The following REPS1 variants were observed in gnomAD, a reference collection of about 807,000 sequenced individuals.
The protein encoded by REPS1 is ralBP1-associated Eps domain-containing protein 1.
Under a neutral mutation model 100.9 loss-of-function variants are expected in REPS1, and 39 were observed. The observed-to-expected ratio is 0.39, with a 90% CI of 0.30 to 0.50. The LOEUF (loss-of-function observed/expected upper bound fraction) is 0.50, where lower values mean the gene tolerates loss of function less well. REPS1 is among the 20% of genes least tolerant of loss of function. The pLI, the probability that REPS1 is intolerant of heterozygous loss-of-function variation, is 0.86. For synonymous variants in REPS1, 324 were observed against 340.3 expected (o/e 0.95, Z 0.53); for missense variants, 821 against 968.5 (o/e 0.85, Z 2.02).
At chr6:138,932,816 A>G (rs1377633315) in intron 8 of REPS1, among the ~76,000 whole-genome samples, 1 of 152,218 alleles carries the variant, frequency 6.6e-6, no homozygotes, top group Non-Finnish European at 1.5e-5. Flanking sequence ...TTTCAAGGAA[A>G]GCAATGTTTT....
intron 1 of REPS1, among the ~76,000 whole-genome samples, chr6:138,982,702 T>C (rs1303637854): frequency 8.5e-5 from 13 of 152,240 alleles, no homozygotes; most frequent in Admixed American, 8.5e-4. Flanking sequence ...GCATGGAGCA[T>C]AATTTTACAA....
intron 1 of REPS1, among the ~76,000 whole-genome samples, chr6:138,978,731 T>C (rs1328988050): frequency 6.6e-6 from 1 of 152,176 alleles, no homozygotes; most frequent in Non-Finnish European, 1.5e-5. Flanking sequence ...TATTAAGATT[T>C]TATGTTACTA....
At chr6:138,945,198 A>C (rs1782528276) in intron 4 of REPS1, 21 bp downstream of exon 4, 1 of 1,582,682 alleles carries the variant, frequency 6.3e-7, no homozygotes, top group Non-Finnish European at 8.6e-7. Context: ...ATGACACTCT[A>C]ATCAATCAAT....
Position 138,930,118 on chromosome 6 carries a change from A to G in REPS1, c.1136-20T>C. On this transcript the variant is annotated intron_variant, in intron 8 of 19. Coordinates refer to ENST00000450536, the MANE Select transcript of REPS1 (RefSeq NM_001286611.2). ...CAACATCTGCAATTTAAAAATAGAG[A>G]AATTCTCTATAAAGACTACATTGTA... 19 of 1,608,848 alleles carry G rather than the reference A, an allele frequency of 1.2e-5. No homozygotes were observed. Among genetic ancestry groups the G allele is most frequent in the Non-Finnish European group, 1.6e-5 (19 of 1,175,948 alleles).
chr6:138,967,852 A>C (rs1784106411), intron 1 of REPS1, among the ~76,000 whole-genome samples: 2 of 152,154 alleles, frequency 1.3e-5, no homozygotes, highest in Admixed American at 1.3e-4. Context: ...TTTATGAATG[A>C]ATTCATTTAG....
intron 9 of REPS1, chr6:138,928,528 C>A (rs1781284943): frequency 6.6e-6 from 1 of 151,982 alleles, no homozygotes; most frequent in Non-Finnish European, 1.5e-5. Flanking sequence ...GACCTCATTA[C>A]CAAATACTAT....
chr6:138,915,895 T>C lies in REPS1; in HGVS notation c.1683A>G (p.Ser561=), dbSNP rs577954661. ...TAAAGGTCCGATTCATATCTAAAGA[T>C]GATGATCTAGAATGAGAGGGCTGTG... ...PRPQPSHSRS[S]SLDMNRTFTV... The change falls in exon 14 of 20, where the codon TCA becomes TCG. Residue 561 remains serine, a synonymous_variant. Transcript: ENST00000450536. The C allele has an allele frequency of 6.2e-7, 1 of 1,613,748 alleles. No homozygotes were observed. The highest frequency in any genetic ancestry group is 2.2e-5 in the East Asian group (1 of 44,884).
intron 10 of REPS1, among the ~76,000 whole-genome samples, chr6:138,925,009 T>C (rs958778122): frequency 3.9e-5 from 6 of 152,124 alleles, no homozygotes; most frequent in Non-Finnish European, 5.9e-5. Flanking sequence ...ATTCAATAAA[T>C]GTAACAGCAG....
intron 1 of REPS1, among the ~76,000 whole-genome samples, chr6:138,957,218 A>C (rs1783445731): frequency 6.6e-6 from 1 of 152,180 alleles, no homozygotes; most frequent in Admixed American, 6.5e-5. Context: ...ATTCCTAAAC[A>C]CATTACTGTG....
intron 1 of REPS1, among the ~76,000 whole-genome samples, chr6:138,980,159 A>T (rs1784854099): frequency 6.6e-6 from 1 of 151,866 alleles, no homozygotes. Context: ...TCGTATTTCT[A>T]CCACCTAAAA....
chr6:138,979,537 G>C (rs966294558), intron 1 of REPS1, among the ~76,000 whole-genome samples: 1 of 151,998 alleles, frequency 6.6e-6, no homozygotes, highest in Non-Finnish European at 1.5e-5. Context: ...CATGAAACTG[G>C]CTCACTGAAG....
At chr6:138,943,671 ATATTTT>A (rs1390921580) in intron 6 of REPS1, 95 bp from the exon 7 acceptor site, 2 of 1,050,448 alleles carry the variant, frequency 1.9e-6, no homozygotes, top group Non-Finnish European at 2.7e-6. Context: ...CTGGGAAAAG[ATATTTT>A]TAATATGTGA....
intron 15 of REPS1, among the ~76,000 whole-genome samples, chr6:138,913,702 C>T (rs553967440): frequency 6.6e-5 from 10 of 152,298 alleles, no homozygotes; most frequent in African/African-American, 1.2e-4. Flanking sequence ...CTTCTTACTA[C>T]GATATGGACA....
Position 138,987,932 on chromosome 6 carries a change from A to ACGGCTC in REPS1, c.-256_-251dup, listed in dbSNP as rs540491812. 2,049 of 373,280 alleles carry ACGGCTC rather than the reference A, an allele frequency of 5.5e-3. 17 individuals are homozygous for ACGGCTC. The highest frequency in any genetic ancestry group is 0.024 in the South Asian group (189 of 7,764). 23.1% of individuals were successfully genotyped at this position (373,280 alleles called of 1,614,324 possible). ...CGCGGCTGCGGCTGCGGCTGCGACT[A>ACGGCTC]CGGCTCCGGCTCCGGCTCCGGCTCC... On this transcript the variant is annotated 5_prime_UTR_variant, in exon 1 of 20. Transcript: ENST00000450536.
intron 1 of REPS1, among the ~76,000 whole-genome samples, chr6:138,982,619 G>A (rs988298151): frequency 5.9e-5 from 9 of 152,096 alleles, no homozygotes; most frequent in Non-Finnish European, 1.0e-4. Context: ...TTTCTTGCTC[G>A]GCAGACAGCA....
intron 8 of REPS1, chr6:138,934,314 C>G (rs1465464614): frequency 6.4e-6 from 3 of 471,008 alleles, no homozygotes; most frequent in South Asian, 4.6e-5. Flanking sequence ...CTGACATCAT[C>G]AGAGCATCAG....
At chr6:138,967,515 G>A (rs73564705) in intron 1 of REPS1, among the ~76,000 whole-genome samples, 11,793 of 152,194 alleles carry the variant, frequency 0.077, 886 homozygotes, top group East Asian at 0.21. Context: ...GATCTGCTGG[G>A]ATTTATTAGT....
rs1220098818 is a variant in REPS1 at position 138,905,456 on chromosome 6, T to C, written c.2323-324A>G. Among the ~76,000 whole-genome samples, 5 of 147,598 alleles carry C rather than the reference T, an allele frequency of 3.4e-5. No homozygotes were observed. The East Asian group carries it at 8.0e-4, about 24-fold the overall frequency. Reference sequence around the variant, plus strand: ...ACAGGCGCCCGCCACCGCGCCCGGCTAATTTTTTGTATTTTTAGTAGAGAC... The same window carrying C: ...ACAGGCGCCCGCCACCGCGCCCGGCCAATTTTTTGTATTTTTAGTAGAGAC... On this transcript the variant is annotated intron_variant, in intron 19 of 19. Coordinates refer to ENST00000450536, the MANE Select transcript of REPS1 (RefSeq NM_001286611.2).
chr6:138,905,187 T>C, intron 19 of REPS1, 55 bp from the exon 20 acceptor site: 1 of 1,111,096 alleles, frequency 9.0e-7, no homozygotes, highest in Non-Finnish European at 1.4e-6. Context: ...AATGAAGAAA[T>C]ATCTAACAAC....
Sources: allele counts gnomAD v4.1 joint callset (sites outside exome capture counted in the v4.1 genomes callset), GRCh38; gene constraint gnomAD v4.1.1; transcripts MANE v1.5; gene names NCBI Gene and HGNC (gene_info 2026-07-23, HGNC 2026-07-21).